STAG1: variants seen among roughly 807,000 people sequenced by gnomAD.
STAG1 encodes STAG1 cohesin complex component.
STAG1 carries 26 observed loss-of-function variants against 170.9 expected under a neutral mutation model. The ratio of observed to expected loss-of-function variants is 0.15; its 90% CI spans 0.11 to 0.21. The LOEUF (loss-of-function observed/expected upper bound fraction) is 0.21, where lower values mean the gene tolerates loss of function less well. Among genes scored for constraint, STAG1 ranks in the 10% least tolerant of loss-of-function variants. The pLI is 1.00. For synonymous variants in STAG1, 514 were observed against 497.7 expected, an observed-to-expected ratio of 1.03 and a Z score of -0.44; for missense variants, 964 against 1,509.5, an observed-to-expected ratio of 0.64 and a Z score of 5.99.
chr3:136,350,322 C>T (rs975227067), intron 28 of STAG1, among the ~76,000 whole-genome samples: 26 of 152,140 alleles, frequency 1.7e-4, no homozygotes, highest in Non-Finnish European at 5.9e-5. Context: ...CTCTAGTTCC[C>T]AGGCTACCCT....
At chr3:136,426,961 G>A (rs886462427) in intron 16 of STAG1, among the ~76,000 whole-genome samples, 1 of 151,984 alleles carries the variant, frequency 6.6e-6, no homozygotes, top group Non-Finnish European at 1.5e-5. Flanking sequence ...TTGTGAGGCT[G>A]AGGCAGGAGA....
chr3:136,639,672 C>T (rs1345862031), intron 1 of STAG1, among the ~76,000 whole-genome samples: 3 of 152,114 alleles, frequency 2.0e-5, no homozygotes, highest in African/African-American at 7.2e-5. Flanking sequence ...ATAAATACAA[C>T]AAAACCTTAC....
At chr3:136,412,409 CAG>C (rs1302861843) in intron 21 of STAG1, among the ~76,000 whole-genome samples, 1 of 152,138 alleles carries the variant, frequency 6.6e-6, no homozygotes, top group African/African-American at 2.4e-5. Context: ...ACTATTATGT[CAG>C]AGTCTGATAA....
At chr3:136,575,430 G>A (rs776668612) in intron 4 of STAG1, among the ~76,000 whole-genome samples, 5 of 152,144 alleles carry the variant, frequency 3.3e-5, no homozygotes, top group Non-Finnish European at 7.4e-5. Context: ...TCGCCATTTT[G>A]CCTAGGCTGG....
At chr3:136,363,311 A>G (rs1936948039) in intron 26 of STAG1, 55 bp downstream of exon 26, 5 of 912,624 alleles carry the variant, frequency 5.5e-6, no homozygotes, top group Admixed American at 3.9e-5. Flanking sequence ...TTAAGCACAG[A>G]GAAGTGCAAT....
chr3:136,373,013 C>T (rs1186215275), intron 23 of STAG1, among the ~76,000 whole-genome samples: 1 of 152,120 alleles, frequency 6.6e-6, no homozygotes, highest in Non-Finnish European at 1.5e-5. Context: ...TTAATTATTG[C>T]CTCAATTTCA....
intron 9 of STAG1, 125 bp from the exon 10 acceptor site, chr3:136,477,537 C>A (rs956259959): frequency 3.0e-5 from 23 of 758,332 alleles, no homozygotes; most frequent in Non-Finnish European, 4.3e-5. Context: ...TGAATGGCCT[C>A]CAACTTAAGT....
chr3:136,668,972 A>AT (rs1941898810), intron 1 of STAG1, among the ~76,000 whole-genome samples: 1 of 152,212 alleles, frequency 6.6e-6, no homozygotes, highest in Admixed American at 6.5e-5. Context: ...ATGATGCCCT[A>AT]TACTTCTTCA....
chr3:136,433,244 C>A (rs1431221006), intron 16 of STAG1, among the ~76,000 whole-genome samples: 2 of 151,888 alleles, frequency 1.3e-5, no homozygotes, highest in Admixed American at 6.6e-5. Flanking sequence ...GAAGAACTTG[C>A]AAACTAGGCA....
At chr3:136,543,117 A>C (rs1195610461) in intron 5 of STAG1, among the ~76,000 whole-genome samples, 1 of 152,210 alleles carries the variant, frequency 6.6e-6, no homozygotes, top group Non-Finnish European at 1.5e-5. Flanking sequence ...TATTTCTAGA[A>C]AGATACTCTA....
In STAG1 at chr3:136,444,344, G is replaced by A. The variant is rs1047555484; in HGVS notation, c.1429-940C>T. Among the ~76,000 whole-genome samples the A allele has an allele frequency of 4.6e-5, 7 of 152,298 alleles. 1 individual carries two copies. The highest frequency in any genetic ancestry group is 6.8e-3 in the Middle Eastern group (2 of 294). ...CTGCCTCGGCCTGCCAAAGTACTAG[G>A]ATTACAGGTGTGTGCCACCATGCTG... On this transcript the variant is annotated intron_variant, in intron 14 of 33. Transcript: ENST00000383202.
chr3:136,408,588 G>A (rs1407643953), intron 21 of STAG1, among the ~76,000 whole-genome samples: 3 of 152,018 alleles, frequency 2.0e-5, no homozygotes, highest in Admixed American at 6.6e-5. Context: ...AAAAGAGTAC[G>A]GCAAGAAGAT....
At chr3:136,580,724 G>A (rs980629050) in intron 4 of STAG1, among the ~76,000 whole-genome samples, 8 of 150,550 alleles carry the variant, frequency 5.3e-5, no homozygotes, top group African/African-American at 9.7e-5. Context: ...TAGTAGAGAC[G>A]GGGTTTCACC....
intron 12 of STAG1, 53 bp downstream of exon 12, chr3:136,472,360 G>T: frequency 7.4e-7 from 1 of 1,342,540 alleles, no homozygotes; most frequent in South Asian, 1.2e-5. Flanking sequence ...AAAATCCTGG[G>T]GAAAAGGTAT....
intron 2 of STAG1, among the ~76,000 whole-genome samples, chr3:136,628,688 T>C (rs1463980735): frequency 6.6e-6 from 1 of 152,228 alleles, no homozygotes; most frequent in Non-Finnish European, 1.5e-5. Context: ...GCACCAATGA[T>C]AGTTTAGAAC....
intron 9 of STAG1, among the ~76,000 whole-genome samples, chr3:136,478,805 G>T (rs926648560): frequency 2.0e-5 from 3 of 152,076 alleles, no homozygotes; most frequent in Non-Finnish European, 4.4e-5. Flanking sequence ...TGGAGAGGCT[G>T]TACAACATAG....
intron 1 of STAG1, among the ~76,000 whole-genome samples, chr3:136,680,449 G>A (rs1294222608): frequency 6.6e-6 from 1 of 151,986 alleles, no homozygotes; most frequent in African/African-American, 2.4e-5. Flanking sequence ...GAGAGAAAAA[G>A]AGTAACATTT....
At chr3:136,501,693 T>C (rs975462589) in intron 8 of STAG1, among the ~76,000 whole-genome samples, 7 of 152,200 alleles carry the variant, frequency 4.6e-5, no homozygotes, top group Admixed American at 1.3e-4. Flanking sequence ...ACAGCAGCCC[T>C]ATCAAACTAA....
chr3:136,668,392 A>ATATTTTATATATATATATATAAATATTT (rs1941876786), intron 1 of STAG1, among the ~76,000 whole-genome samples: 1 of 146,382 alleles, frequency 6.8e-6, no homozygotes, highest in African/African-American at 2.5e-5. Flanking sequence ...AATATATAAA[A>ATATTTTATATATATATATATAAATATTT]TATATATTAT....
Sources: allele counts gnomAD v4.1 joint callset (sites outside exome capture counted in the v4.1 genomes callset), GRCh38; gene constraint gnomAD v4.1.1; transcripts MANE v1.5; gene names NCBI Gene and HGNC (gene_info 2026-07-23, HGNC 2026-07-21).